Variants in NRXN3 observed in about 807,000 individuals in gnomAD.
NRXN3 encodes neurexin 3.
In NRXN3, 32 loss-of-function variants were observed where a neutral mutation model predicts 137.6. The ratio of observed to expected loss-of-function variants is 0.23; its 90% CI spans 0.18 to 0.31. The LOEUF (loss-of-function observed/expected upper bound fraction) is 0.31. NRXN3 is among the 10% of genes least tolerant of loss of function. The probability of loss-of-function intolerance (pLI) is 1.00; values close to 1 mark genes in which losing one functional copy is unlikely to be tolerated. For synonymous variants in NRXN3, 798 were observed against 784.5 expected (o/e 1.02, Z -0.29); for missense variants, 1,574 against 2,062.5 (o/e 0.76, Z 4.59).
At chr14:79,336,660 A>G (rs886779602) in intron 15 of NRXN3, among the ~76,000 whole-genome samples, 1 of 152,208 alleles carries the variant, frequency 6.6e-6, no homozygotes, top group African/African-American at 2.4e-5. Flanking sequence ...AGGCCACAAT[A>G]ATAAACATGT....
intron 1 of NRXN3, among the ~76,000 whole-genome samples, chr14:78,217,451 G>A (rs1438113560): frequency 6.6e-6 from 1 of 152,094 alleles, no homozygotes; most frequent in Non-Finnish European, 1.5e-5. Flanking sequence ...ATCCAGCAAT[G>A]CAAGGAGAGC....
At chr14:78,634,512 C>G (rs919917199) in intron 4 of NRXN3, among the ~76,000 whole-genome samples, 2 of 152,190 alleles carry the variant, frequency 1.3e-5, no homozygotes, top group Non-Finnish European at 2.9e-5. Context: ...GTTTTATTGG[C>G]AGCAGAGATT....
chr14:78,983,869 A>G (rs1000496642), intron 14 of NRXN3, among the ~76,000 whole-genome samples: 27 of 150,418 alleles, frequency 1.8e-4, no homozygotes, highest in South Asian at 1.1e-3. Flanking sequence ...AAAAAAAAAA[A>G]AAAGAAAAAA....
chr14:79,527,293 CAAA>C (rs397954192), intron 16 of NRXN3, among the ~76,000 whole-genome samples: 10 of 58,672 alleles, frequency 1.7e-4, no homozygotes, highest in African/African-American at 6.2e-4. Context: ...GACTCTGTCT[CAAA>C]AAAAAAAAAA....
chr14:78,664,489 C>T (rs921574876), intron 6 of NRXN3, among the ~76,000 whole-genome samples: 1 of 152,128 alleles, frequency 6.6e-6, no homozygotes, highest in African/African-American at 2.4e-5. Flanking sequence ...AAGCTCATTC[C>T]CCACTTTCAA....
At chr14:79,234,602 C>CTT (rs1348883415) in intron 15 of NRXN3, among the ~76,000 whole-genome samples, 1 of 151,360 alleles carries the variant, frequency 6.6e-6, no homozygotes, top group East Asian at 2.0e-4. Flanking sequence ...CCAGGATGGT[C>CTT]TCAAATTCCT....
chr14:78,409,454 C>G (rs888048069), intron 4 of NRXN3, among the ~76,000 whole-genome samples: 34 of 152,246 alleles, frequency 2.2e-4, no homozygotes, highest in African/African-American at 8.0e-4. Flanking sequence ...GTACAGACCA[C>G]TGATGTGGAC....
At chr14:79,462,504 T>TACAC (rs1555462241) in intron 15 of NRXN3, among the ~76,000 whole-genome samples, 5 of 149,874 alleles carry the variant, frequency 3.3e-5, no homozygotes, top group African/African-American at 1.2e-4. Context: ...TATATATATA[T>TACAC]ACACACATAT....
At chr14:79,286,807 G>C (rs2153453435) in intron 15 of NRXN3, among the ~76,000 whole-genome samples, 1 of 152,126 alleles carries the variant, frequency 6.6e-6, no homozygotes, top group East Asian at 1.9e-4. Context: ...AAGAAACTAA[G>C]TTACTAAGAA....
intron 8 of NRXN3, among the ~76,000 whole-genome samples, chr14:78,766,801 T>G (rs997635975): frequency 2.0e-5 from 3 of 152,180 alleles, no homozygotes; most frequent in Admixed American, 6.5e-5. Flanking sequence ...AAACCCAGAC[T>G]GTTATTAATT....
chr14:78,350,338 AAG>A (rs1567333167), intron 4 of NRXN3, among the ~76,000 whole-genome samples: 1 of 152,072 alleles, frequency 6.6e-6, no homozygotes, highest in African/African-American at 2.4e-5. Context: ...AGGCTGGAGA[AAG>A]AGCCCTGAAT....
chr14:78,384,354 GA>G (rs1418482068), intron 4 of NRXN3, among the ~76,000 whole-genome samples: 1 of 151,990 alleles, frequency 6.6e-6, no homozygotes, highest in South Asian at 2.1e-4. Context: ...CCAAGATAAG[GA>G]GAGGCTGGAA....
At chr14:79,786,896 T>C (rs1160462251) in intron 19 of NRXN3, among the ~76,000 whole-genome samples, 3 of 152,192 alleles carry the variant, frequency 2.0e-5, no homozygotes, top group African/African-American at 7.2e-5. Context: ...TTTCTTTACA[T>C]AAAGAATTCC....
At chr14:79,252,848 T>G (rs2076116537) in intron 15 of NRXN3, among the ~76,000 whole-genome samples, 1 of 152,186 alleles carries the variant, frequency 6.6e-6, no homozygotes. Flanking sequence ...TTAGAACATT[T>G]GGAGAACTTC....
In NRXN3 at chr14:78,571,034, G is replaced by T. The variant is rs12101169; in HGVS notation, c.758-74086G>T. On this transcript the variant is annotated intron_variant, in intron 4 of 20. Coordinates refer to ENST00000335750, the MANE Select transcript of NRXN3 (RefSeq NM_001330195.2). Reference sequence around the variant, plus strand: ...ACAGTCCCAGCAGCAGACAGTCCCAGTTGGGCTTATCCTGTGATGTTGGCC... The same window carrying T: ...ACAGTCCCAGCAGCAGACAGTCCCATTTGGGCTTATCCTGTGATGTTGGCC... Among the ~76,000 whole-genome samples the T allele has an allele frequency of 5.6e-3, 846 of 152,308 alleles. 6 individuals carry two copies. The highest frequency in any genetic ancestry group is 0.02 in the African/African-American group (811 of 41,574).
chr14:79,017,332 T>C (rs2099580989), intron 15 of NRXN3, among the ~76,000 whole-genome samples: 2 of 151,578 alleles, frequency 1.3e-5, no homozygotes, highest in Admixed American at 6.6e-5. Flanking sequence ...AAATACGTAA[T>C]AGCTCCATTC....
chr14:79,708,449 C>CA (rs1287894385), intron 19 of NRXN3, among the ~76,000 whole-genome samples: 5 of 146,052 alleles, frequency 3.4e-5, no homozygotes, highest in Non-Finnish European at 4.5e-5. Context: ...TTGAATCATC[C>CA]AAAAAAAAGA....
At chr14:79,572,645 T>C (rs2097618511) in intron 16 of NRXN3, among the ~76,000 whole-genome samples, 5 of 152,180 alleles carry the variant, frequency 3.3e-5, no homozygotes, top group Admixed American at 2.6e-4. Context: ...CATTGGATAT[T>C]TTCTTTGTAC....
intron 4 of NRXN3, among the ~76,000 whole-genome samples, chr14:78,506,656 T>TC (rs2095999180): frequency 2.1e-5 from 1 of 47,904 alleles, no homozygotes; most frequent in African/African-American, 8.1e-5. Flanking sequence ...TTTTTTTTTT[T>TC]TTTTTTTTTT....
Sources: allele counts gnomAD v4.1 joint callset (sites outside exome capture counted in the v4.1 genomes callset), GRCh38; gene constraint gnomAD v4.1.1; transcripts MANE v1.5; gene names NCBI Gene and HGNC (gene_info 2026-07-23, HGNC 2026-07-21).